Variants in ASXL2 observed in about 807,000 individuals in gnomAD.
The protein encoded by ASXL2 is putative Polycomb group protein ASXL2.
In ASXL2, 23 loss-of-function variants were observed where a neutral mutation model predicts 122.0. The observed-to-expected ratio is 0.19, with a 90% CI of 0.14 to 0.27. ASXL2 has a LOEUF of 0.27. Ranked by LOEUF, ASXL2 falls within the 10% of genes least tolerant of loss-of-function variation. ASXL2 has a pLI of 1.00. For missense variants in ASXL2, 1,518 were observed against 1,713.8 expected, an observed-to-expected ratio of 0.89 and a Z score of 2.02; for synonymous variants, 650 against 637.0, an observed-to-expected ratio of 1.02 and a Z score of -0.31.
At chr2:25,830,882 T>C (rs577578631) in intron 3 of ASXL2, 76 of 152,226 alleles carry the variant, frequency 5.0e-4, no homozygotes, top group African/African-American at 1.7e-3. Flanking sequence ...GTCAATACAA[T>C]TTACTCAATG....
At chr2:25,796,905 C>G (rs1270357840) in intron 5 of ASXL2, among the ~76,000 whole-genome samples, 1 of 152,074 alleles carries the variant, frequency 6.6e-6, no homozygotes, top group African/African-American at 2.4e-5. Context: ...GAAAAGAAAT[C>G]CAGATACAGG....
rs1004619318 is a variant in ASXL2 at position 25,874,106 on chromosome 2, G to A, written c.57+4060C>T. The stretch of plus-strand genomic sequence containing the variant: ...CATCCGTAATCCTAACACTTTGAGA[G>A]GCTGAGGCAGGCAGATCACTTGAGT... On this transcript the variant is annotated intron_variant, in intron 1 of 12. Transcript: ENST00000435504. Among the ~76,000 whole-genome samples the A allele has an allele frequency of 2.0e-5, 3 of 152,140 alleles. No individual in the cohort carries two copies. In the South Asian group the frequency reaches 6.2e-4, roughly 31 times the overall value.
intron 5 of ASXL2, among the ~76,000 whole-genome samples, chr2:25,776,494 C>CTAAA (rs750802984): frequency 5.9e-4 from 90 of 152,074 alleles, no homozygotes; most frequent in Non-Finnish European, 8.1e-4. Context: ...TATGTATGTG[C>CTAAA]TTTTAGTCTC....
chr2:25,769,217 C>T (rs1029253476), intron 6 of ASXL2, among the ~76,000 whole-genome samples: 2 of 152,010 alleles, frequency 1.3e-5, no homozygotes, highest in African/African-American at 4.8e-5. Flanking sequence ...CAAAAACTTC[C>T]CAGTCTTGTA....
rs773183356 is a variant in ASXL2, at chr2:25,750,423, G to C, written c.1143-10C>G. On this transcript the variant is annotated splice_polypyrimidine_tract_variant and intron_variant, in intron 11 of 12. Coordinates refer to ENST00000435504, the MANE Select transcript of ASXL2 (RefSeq NM_018263.6). ...AAGGCTCAGGCCAGAACTAAAAAGG[G>C]GAAAAAAGAAATATTCCAGTTGAAA... The C allele has an allele frequency of 1.3e-6, 2 of 1,562,758 alleles. No individual in the cohort carries two copies. Among genetic ancestry groups the C allele is most frequent in the South Asian group, 1.2e-5 (1 of 82,712 alleles).
intron 1 of ASXL2, among the ~76,000 whole-genome samples, chr2:25,848,675 T>C (rs1487978292): frequency 6.6e-6 from 1 of 152,040 alleles, no homozygotes; most frequent in East Asian, 1.9e-4. Context: ...CCAAAAATTA[T>C]GTCTTTTTAG....
chr2:25,791,487 CA>C (rs757850341), intron 5 of ASXL2, among the ~76,000 whole-genome samples: 47,560 of 121,348 alleles, frequency 0.39, 8,713 homozygotes, highest in Middle Eastern at 0.49. Flanking sequence ...GACTCCGTCT[CA>C]AAAAAAAAAA....
chr2:25,744,627 G>A lies in ASXL2; in HGVS notation c.1861-151C>T, dbSNP rs1274288550. Among the ~76,000 whole-genome samples, 5 of 152,164 alleles carry A rather than the reference G, an allele frequency of 3.3e-5. No individual in the cohort carries two copies. The East Asian group carries it at 9.6e-4, about 29-fold the overall frequency. On this transcript the variant is annotated intron_variant, in intron 12 of 12. Transcript: ENST00000435504. The surrounding 1 kb of genome is among the most constrained non-coding windows in gnomAD (Gnocchi z 4.7). The stretch of plus-strand genomic sequence containing the variant: ...GTCTATGGCCGAGAGGCCAAACCTT[G>A]GAGACAGCAATACTAGTTTGTCTCT...
chr2:25,860,867 T>C (rs566995450), intron 1 of ASXL2, among the ~76,000 whole-genome samples: 19 of 151,496 alleles, frequency 1.3e-4, no homozygotes, highest in African/African-American at 4.4e-4. Context: ...CAAAAATTAA[T>C]TGGGCATGGT....
At chr2:25,756,788 G>A (rs1002206349) in intron 9 of ASXL2, among the ~76,000 whole-genome samples, 10 of 152,192 alleles carry the variant, frequency 6.6e-5, no homozygotes, top group African/African-American at 2.4e-4. Flanking sequence ...ACTAACAGGA[G>A]TGGCTTTAAG....
chr2:25,829,982 G>C (rs1326758304), intron 3 of ASXL2, among the ~76,000 whole-genome samples: 1 of 152,162 alleles, frequency 6.6e-6, no homozygotes, highest in East Asian at 1.9e-4. Context: ...ACATCTACAG[G>C]CATCAGGCAA....
chr2:25,767,334 A>G (rs1359546231), intron 8 of ASXL2, among the ~76,000 whole-genome samples: 1 of 152,264 alleles, frequency 6.6e-6, no homozygotes, highest in Non-Finnish European at 1.5e-5. Context: ...CAGGAAGAAC[A>G]TGAACATAGT....
intron 2 of ASXL2, among the ~76,000 whole-genome samples, chr2:25,839,990 CA>C (rs1464898474): frequency 9.2e-5 from 14 of 151,752 alleles, no homozygotes; most frequent in African/African-American, 3.4e-4. Flanking sequence ...CTCAGCTTCC[CA>C]AAGTGTTGCG....
At chr2:25,758,844 A>C (rs1383626748) in intron 9 of ASXL2, among the ~76,000 whole-genome samples, 1 of 151,816 alleles carries the variant, frequency 6.6e-6, no homozygotes, top group African/African-American at 2.4e-5. Flanking sequence ...AGATCTATTT[A>C]TTTATCTGGA....
rs2087761219 is a variant in ASXL2 at position 25,737,878 on chromosome 2, C to T, written c.*4151G>A. On this transcript the variant is annotated 3_prime_UTR_variant, in exon 13 of 13. Transcript: ENST00000435504. ...ACTTCTCTGTACATACCCTCAATTC[C>T]AATGTTAACAATTCCTTTAAAAAGG... is the stretch of plus-strand genomic sequence containing the variant. 1 of 151,996 alleles carries T rather than the reference C, an allele frequency of 6.6e-6. No individual in the cohort carries two copies. Among genetic ancestry groups the T allele is most frequent in the Non-Finnish European group, 1.5e-5 (1 of 67,996 alleles). 9.4% of individuals were successfully genotyped at this position (151,996 alleles called of 1,614,324 possible). A position where few individuals can be genotyped will look rare whatever the true frequency, so the allele number is the denominator to read the frequency against.
In ASXL2 at chr2:25,743,693, C is replaced by G; in HGVS notation, c.2644G>C (p.Val882Leu). 6.2e-7 allele frequency: 1 copy of G among 1,614,024 alleles called. No individual in the cohort carries two copies. The highest frequency in any genetic ancestry group is 8.5e-7 in the Non-Finnish European group (1 of 1,179,892). The change falls in exon 13 of 13, where the codon GTA (valine) becomes CTA (leucine). Residue 882 changes from valine (V) to leucine (L), a missense_variant. Val to Leu is a conservative substitution (Grantham distance 32, BLOSUM62 1). This residue lies in a region of ASXL2 where 831 missense variants were observed against 833.1 expected (regional missense o/e 1.00). Transcript: ENST00000435504. ...SKTDASVPVAVTPSPLTSLLT... is the reference protein window; with the variant it reads ...SKTDASVPVALTPSPLTSLLT... ...AAAGATGTTAAAGGGGAGGGAGTTA[C>G]AGCCACTGGCACACTAGCATCTGTC...
At chr2:25,796,853 A>C (rs2149169954) in intron 5 of ASXL2, among the ~76,000 whole-genome samples, 1 of 152,354 alleles carries the variant, frequency 6.6e-6, no homozygotes, top group South Asian at 2.1e-4. Context: ...GTTAAAATAA[A>C]ATCAAAATTA....
At chr2:25,840,885 T>A (rs747818952) in intron 2 of ASXL2, among the ~76,000 whole-genome samples, 1 of 151,668 alleles carries the variant, frequency 6.6e-6, no homozygotes, top group Non-Finnish European at 1.5e-5. Context: ...ATAAAGGGAG[T>A]AGAGCTCAAA....
rs1441705021 is a variant in ASXL2, at chr2:25,734,375, CCAAACTA to C, written c.*7647_*7653del. ...GCTGGGGTCACTACTGAAGAAGTCT[CCAAACTA>C]CTGAAACTTGCCTGAAAATCTAAAA... On this transcript the variant is annotated 3_prime_UTR_variant, in exon 13 of 13. Transcript: ENST00000435504. The C allele has an allele frequency of 6.6e-6, 1 of 152,100 alleles. No individual in the cohort carries two copies. The highest frequency in any genetic ancestry group is 1.5e-5 in the Non-Finnish European group (1 of 68,006). 9.4% of individuals were successfully genotyped at this position (152,100 alleles called of 1,614,324 possible). A position where few individuals can be genotyped will look rare whatever the true frequency, so the allele number is the denominator to read the frequency against.
Sources: allele counts gnomAD v4.1 joint callset (sites outside exome capture counted in the v4.1 genomes callset), GRCh38; gene constraint gnomAD v4.1.1; regional missense constraint gnomAD v4.1.1; non-coding constraint Gnocchi (gnomAD v3.1); transcripts MANE v1.5; gene names NCBI Gene and HGNC (gene_info 2026-07-23, HGNC 2026-07-21).